Variants in SANBR observed in about 807,000 individuals in gnomAD.
SANBR encodes SANT and BTB domain regulator of CSR.
Under a neutral mutation model 101.8 loss-of-function variants are expected in SANBR, and 77 were observed. The ratio of observed to expected loss-of-function variants is 0.76; its 90% CI spans 0.63 to 0.91. The LOEUF (loss-of-function observed/expected upper bound fraction) is 0.91, where lower values mean the gene tolerates loss of function less well. Ranked by LOEUF, SANBR falls within the 40% of genes least tolerant of loss-of-function variation. The pLI, the probability that SANBR is intolerant of heterozygous loss-of-function variation, is 0.00. For missense variants in SANBR, 875 were observed against 853.0 expected (o/e 1.03, Z -0.32); for synonymous variants, 279 against 274.7 (o/e 1.02, Z -0.15).
chr2:61,094,156 C>T (rs1682913760), intron 11 of SANBR: 3 of 680,490 alleles, frequency 4.4e-6, no homozygotes, highest in Non-Finnish European at 5.4e-6. Flanking sequence ...GTATTATATA[C>T]AGTAAAATGC....
At chr2:61,078,818 C>A (rs1307226777) in intron 6 of SANBR, among the ~76,000 whole-genome samples, 2 of 151,868 alleles carry the variant, frequency 1.3e-5, no homozygotes, top group Admixed American at 1.3e-4. Context: ...GTGGGTGGAT[C>A]ACTTGAGGCC....
intron 8 of SANBR, among the ~76,000 whole-genome samples, chr2:61,087,822 G>A (rs1682520193): frequency 6.6e-6 from 1 of 151,442 alleles, no homozygotes. Context: ...TTGAACTCCA[G>A]CCTGGGCGAC....
chr2:61,082,091 C>G (rs1051147783), intron 7 of SANBR, among the ~76,000 whole-genome samples: 2 of 152,056 alleles, frequency 1.3e-5, no homozygotes, highest in Admixed American at 1.3e-4. Flanking sequence ...AGGCTGGTCT[C>G]AAACTCCTGG....
At chr2:61,092,169 A>T (rs907256266) in intron 10 of SANBR, among the ~76,000 whole-genome samples, 1 of 152,214 alleles carries the variant, frequency 6.6e-6, no homozygotes, top group Non-Finnish European at 1.5e-5. Flanking sequence ...TTGGTATTCA[A>T]ATCATTCATA....
At chr2:61,090,387 G>C (rs1401106435) in intron 10 of SANBR, 1 of 151,732 alleles carries the variant, frequency 6.6e-6, no homozygotes, top group Non-Finnish European at 1.5e-5. Context: ...AAAAGTAATT[G>C]ATACTAACTT....
chr2:61,112,120 G>A (rs1368794085), intron 16 of SANBR, among the ~76,000 whole-genome samples: 4 of 152,126 alleles, frequency 2.6e-5, no homozygotes, highest in Non-Finnish European at 1.5e-5. Flanking sequence ...ATAAGAAACT[G>A]CCAAATTGTT....
intron 4 of SANBR, 72 bp downstream of exon 4, chr2:61,071,864 CTT>C (rs1681492108): frequency 1.1e-6 from 1 of 913,350 alleles, no homozygotes; most frequent in African/African-American, 1.8e-5. Flanking sequence ...TTCCAATCAA[CTT>C]TTCTTTCTTT....
chr2:61,131,351 T>C (rs1215895745), intron 20 of SANBR, among the ~76,000 whole-genome samples: 1 of 152,174 alleles, frequency 6.6e-6, no homozygotes, highest in African/African-American at 2.4e-5. Context: ...CAGCAATACT[T>C]CAGGATATAG....
intron 8 of SANBR, among the ~76,000 whole-genome samples, chr2:61,085,420 T>C (rs1317509100): frequency 6.6e-6 from 1 of 152,156 alleles, no homozygotes; most frequent in Non-Finnish European, 1.5e-5. Flanking sequence ...ATTGCACTAG[T>C]ACGTTTACTA....
intron 10 of SANBR, chr2:61,088,908 T>C: frequency 1.1e-6 from 1 of 913,608 alleles, no homozygotes; most frequent in South Asian, 5.1e-5. Flanking sequence ...CTGCATGTTA[T>C]CCAACTTTCA....
In SANBR at chr2:61,076,942, T is replaced by C. The variant is rs755303933; in HGVS notation, c.454T>C (p.Cys152Arg). 2 of 1,613,764 alleles carry C rather than the reference T, an allele frequency of 1.2e-6. No homozygotes were observed. The highest frequency in any genetic ancestry group is 1.7e-5 in the Admixed American group (1 of 60,018). Residue 152 changes from cysteine (C) to arginine (R), a missense_variant, in exon 6 of 22, where the codon TGT becomes CGT. Cys to Arg is a radical substitution (Grantham distance 180). Coordinates refer to ENST00000402291, the MANE Select transcript of SANBR (RefSeq NM_001129993.3). ...AAGGCCAAACATGGTGATCCATGTGTGTGATGAAGCAAAAAACTTGAAAGA... is the reference window on the plus strand; with the variant it reads ...AAGGCCAAACATGGTGATCCATGTGCGTGATGAAGCAAAAAACTTGAAAGA... ...SEGPNMVIHVCDEAKNLKEDF... is the reference protein window; with the variant it reads ...SEGPNMVIHVRDEAKNLKEDF...
intron 20 of SANBR, 42 bp from the exon 21 acceptor site, chr2:61,121,143 T>C (rs776850224): frequency 5.4e-5 from 72 of 1,328,464 alleles, no homozygotes; most frequent in Admixed American, 8.4e-5. Context: ...AGAGCTTCTA[T>C]TGATTCTGTG....
rs542177313 is a variant in SANBR, at chr2:61,090,187, A to T, written c.1088+1719A>T. 1.4e-3 allele frequency among the ~76,000 whole-genome samples: 215 copies of T among 152,272 alleles called. 8 individuals carry two copies. The South Asian group carries it at 0.044, about 31-fold the overall frequency. ...AGATACATAAAAGTTGTTAGTGGTT[A>T]AAAAAATAGGATGTTCACTAAAACA... On this transcript the variant is annotated intron_variant, in intron 10 of 21. Transcript: ENST00000402291.
At chr2:61,104,278 C>G (rs952942070) in intron 13 of SANBR, among the ~76,000 whole-genome samples, 3 of 151,686 alleles carry the variant, frequency 2.0e-5, no homozygotes, top group South Asian at 2.1e-4. Context: ...GTCAGGAGAT[C>G]GAGAGCATCC....
intron 5 of SANBR, among the ~76,000 whole-genome samples, chr2:61,074,321 A>C (rs945035077): frequency 6.6e-6 from 1 of 152,202 alleles, no homozygotes; most frequent in African/African-American, 2.4e-5. Context: ...TAAAGTGGTA[A>C]ATTTTACTTT....
chr2:61,110,693 C>T (rs1322490115), intron 16 of SANBR, among the ~76,000 whole-genome samples: 1 of 149,310 alleles, frequency 6.7e-6, no homozygotes, highest in Admixed American at 6.7e-5. Context: ...AAAAAAAATA[C>T]AAAACTTAGC....
In SANBR at chr2:61,123,907, C is replaced by T. The variant is rs1166819317; in HGVS notation, c.*1745C>T. ...AGGAGTTTGAGACCAGCCTGGCCAA[C>T]GTGGTGAAACCCTATCTCTACTAAA... On this transcript the variant is annotated 3_prime_UTR_variant, in exon 22 of 22. Coordinates refer to ENST00000402291, the MANE Select transcript of SANBR (RefSeq NM_001129993.3). 19 of 468,896 alleles carry T rather than the reference C, an allele frequency of 4.1e-5. No homozygotes were observed. Among genetic ancestry groups the T allele is most frequent in the Admixed American group, 1.3e-4 (2 of 15,636 alleles). 29.0% of individuals were successfully genotyped at this position (468,896 alleles called of 1,614,324 possible).
rs1042769881 is a variant in SANBR at position 61,123,530 on chromosome 2, C to T, written c.*1368C>T. The T allele has an allele frequency of 2.8e-5, 27 of 969,278 alleles. No homozygotes were observed. The highest frequency in any genetic ancestry group is 3.5e-5 in the African/African-American group (2 of 56,730). 60.0% of individuals were successfully genotyped at this position (969,278 alleles called of 1,614,324 possible). ...TACTGTGGAAATAGACTTTTATTTT[C>T]GAAAGAAAATGTCTTGTAGTACATA... is the stretch of plus-strand genomic sequence containing the variant. On this transcript the variant is annotated 3_prime_UTR_variant, in exon 22 of 22. Coordinates refer to ENST00000402291, the MANE Select transcript of SANBR (RefSeq NM_001129993.3).
intron 20 of SANBR, among the ~76,000 whole-genome samples, chr2:61,133,109 G>A (rs997514601): frequency 5.9e-5 from 9 of 152,224 alleles, no homozygotes; most frequent in Admixed American, 5.9e-4. Flanking sequence ...AAAATTAGCC[G>A]GGCATGGTGG....
Sources: gnomAD v4.1 joint callset for allele counts (sites outside exome capture counted in the v4.1 genomes callset) on GRCh38, gnomAD v4.1.1 for gene constraint, MANE v1.5 for transcripts, NCBI Gene and HGNC (gene_info 2026-07-23, HGNC 2026-07-21) for gene names.